Variants in POPDC2 observed in about 807,000 individuals in gnomAD.
POPDC2 encodes the protein popeye domain cAMP effector 2.
In POPDC2, 24 loss-of-function variants were observed where a neutral mutation model predicts 30.5. The observed-to-expected ratio is 0.79, with a 90% confidence interval of 0.57 to 1.11. POPDC2 has a LOEUF of 1.11. POPDC2 is among the 50% of genes least tolerant of loss of function. The pLI, the probability that POPDC2 is intolerant of heterozygous loss-of-function variation, is 0.00. For synonymous variants in POPDC2, 185 were observed against 183.3 expected (o/e 1.01, Z -0.07); for missense variants, 409 against 447.0 (o/e 0.91, Z 0.77).
rs2052767398 is a variant in POPDC2, at chr3:119,648,298, G to A, written c.971C>T (p.Thr324Ile). Reference protein sequence around the residue: ...PATTNFPAPPTRARLSRPDSG... With the variant: ...PATTNFPAPPIRARLSRPDSG... The stretch of plus-strand genomic sequence containing the variant: ...GTCTGGCCTGGACAACCTGGCCCGG[G>A]TAGGAGGTGCAGGAAAGTTGGTGGT... The change falls in exon 3 of 4, where the codon ACC (threonine) becomes ATC (isoleucine). Residue 324 changes from threonine to isoleucine, a missense_variant. By Grantham distance (89) the Thr-to-Ile change is moderately conservative (BLOSUM62 -1). Transcript: ENST00000493094. The A allele has an allele frequency of 1.2e-6, 2 of 1,614,132 alleles. No individual in the cohort carries two copies. The highest frequency in any genetic ancestry group is 1.7e-6 in the Non-Finnish European group (2 of 1,180,016).
chr3:119,648,527 G>C lies in POPDC2; in HGVS notation c.742C>G (p.Leu248Val). The C allele has an allele frequency of 1.2e-6, 2 of 1,614,160 alleles. No individual in the cohort carries two copies. Among genetic ancestry groups the C allele is most frequent in the Non-Finnish European group, 1.7e-6 (2 of 1,180,012 alleles). The change falls in exon 3 of 4, where the codon CTC (leucine) becomes GTC (valine). Residue 248 changes from leucine to valine, a missense_variant. By Grantham distance (32) the Leu-to-Val change is conservative. Transcript: ENST00000493094. ...AACTTAGCAAAGAGCTTGTCATTGA[G>C]AGTGTAGAGCTTCTCTGAGATGTCA... ...GYDISEKLYT[L>V]NDKLFAKFGL...
intron 2 of POPDC2, among the ~76,000 whole-genome samples, chr3:119,649,756 G>T (rs182849679): frequency 6.6e-6 from 1 of 152,226 alleles, no homozygotes; most frequent in East Asian, 1.9e-4. Flanking sequence ...CTTTATTAGA[G>T]ATTATATATA....
intron 2 of POPDC2, among the ~76,000 whole-genome samples, chr3:119,650,179 T>C (rs573588360): frequency 6.6e-6 from 1 of 152,340 alleles, no homozygotes; most frequent in South Asian, 2.1e-4. Context: ...CTACGCCGAA[T>C]GTAAATAATG....
At chr3:119,652,788 G>A (rs987719769) in intron 2 of POPDC2, among the ~76,000 whole-genome samples, 2 of 152,218 alleles carry the variant, frequency 1.3e-5, no homozygotes, top group African/African-American at 2.4e-5. Flanking sequence ...TCTGTGGCTG[G>A]TGACCCTGGC....
At chr3:119,660,803 A>C (rs2052936007), upstream of POPDC2, 1 of 185,776 alleles carries the variant, frequency 5.4e-6, no homozygotes, top group Non-Finnish European at 1.1e-5. Flanking sequence ...TCCCAAGGGA[A>C]AGTAGCACTA....
At chr3:119,659,498 G>A (rs1202062875) in intron 1 of POPDC2, among the ~76,000 whole-genome samples, 3 of 152,214 alleles carry the variant, frequency 2.0e-5, no homozygotes, top group African/African-American at 7.2e-5. Context: ...CCTGAATACA[G>A]TTGGTGCTTA....
chr3:119,645,566 C>CAAAAAA (rs201320482), intron 3 of POPDC2, among the ~76,000 whole-genome samples: 64 of 114,660 alleles, frequency 5.6e-4, no homozygotes, highest in East Asian at 1.7e-3. Flanking sequence ...CCGTCTCAAA[C>CAAAAAA]AAAAAAAAAA....
In POPDC2 at chr3:119,658,532, G is replaced by A. The variant is rs142784722; in HGVS notation, c.491+1401C>T. On this transcript the variant is annotated intron_variant, in intron 1 of 3. Transcript: ENST00000493094. ...TCTCAATTTCCTCCTTTGAACAGACGAGCTATAACATCATGGGTCTCATGA... is the reference window on the plus strand; with the variant it reads ...TCTCAATTTCCTCCTTTGAACAGACAAGCTATAACATCATGGGTCTCATGA... Among the ~76,000 whole-genome samples the A allele has an allele frequency of 3.8e-3, 585 of 152,304 alleles. 2 individuals carry two copies. Among genetic ancestry groups the A allele is most frequent in the African/African-American group, 0.013 (537 of 41,558 alleles).
At chr3:119,642,688 C>A in intron 3 of POPDC2, 127 bp from the exon 4 acceptor site, 1 of 614,426 alleles carries the variant, frequency 1.6e-6, no homozygotes, top group East Asian at 2.9e-5. Context: ...TACTCACTGC[C>A]TGACATGATA....
In POPDC2 at chr3:119,648,122, G is replaced by T; in HGVS notation, c.*40C>A. The T allele has an allele frequency of 6.8e-7, 1 of 1,459,856 alleles. No homozygotes were observed. The highest frequency in any genetic ancestry group is 1.4e-5 in the South Asian group (1 of 71,322). 90.4% of individuals were successfully genotyped at this position (1,459,856 alleles called of 1,614,324 possible). A position where few individuals can be genotyped will look rare whatever the true frequency, so the allele number is the denominator to read the frequency against. ...CGGCTGCCTTCTGAGTACTTACATAGGATCCTGAGCCGGTGGCTGTGCCCA... is the reference window on the plus strand; with the variant it reads ...CGGCTGCCTTCTGAGTACTTACATATGATCCTGAGCCGGTGGCTGTGCCCA... On this transcript the variant is annotated 3_prime_UTR_variant, in exon 3 of 4. Coordinates refer to ENST00000493094, the MANE Select transcript of POPDC2 (RefSeq NM_001369919.2).
At chr3:119,651,537 T>C (rs973301594) in intron 2 of POPDC2, among the ~76,000 whole-genome samples, 2 of 152,178 alleles carry the variant, frequency 1.3e-5, no homozygotes, top group African/African-American at 4.8e-5. Flanking sequence ...GCCTGGTATA[T>C]ACTAAGTTTT....
intron 2 of POPDC2, among the ~76,000 whole-genome samples, chr3:119,649,261 A>C (rs2052784240): frequency 6.6e-6 from 1 of 152,170 alleles, no homozygotes. Flanking sequence ...AGTAACCAAA[A>C]GGATCTGATG....
chr3:119,658,143 C>T (rs2052899692), intron 1 of POPDC2, among the ~76,000 whole-genome samples: 2 of 152,210 alleles, frequency 1.3e-5, no homozygotes, highest in African/African-American at 4.8e-5. Flanking sequence ...TGGTCCCTTA[C>T]TGTAACCAGC....
chr3:119,653,407 G>A lies in POPDC2; in HGVS notation c.600+1098C>T, dbSNP rs2052838843. ...GCCAGGCAGCCAGGAACCTGCATTG[G>A]AGCATGTATGTGAATGCCCCATGGA... On this transcript the variant is annotated intron_variant, in intron 2 of 3. Transcript: ENST00000493094. Among the ~76,000 whole-genome samples, 3 of 152,034 alleles carry A rather than the reference G, an allele frequency of 2.0e-5. No homozygotes were observed. The South Asian group carries it at 6.2e-4, about 32-fold the overall frequency.
At chr3:119,658,916 C>CT (rs35687726) in intron 1 of POPDC2, among the ~76,000 whole-genome samples, 57 of 139,664 alleles carry the variant, frequency 4.1e-4, no homozygotes, top group African/African-American at 1.1e-3. Flanking sequence ...TCTGGATTTG[C>CT]TTTTTTTTTT....
At chr3:119,645,298 C>A (rs879695470) in intron 3 of POPDC2, among the ~76,000 whole-genome samples, 1 of 152,206 alleles carries the variant, frequency 6.6e-6, no homozygotes, top group African/African-American at 2.4e-5. Context: ...CGCAGTGGCT[C>A]ACGCCCGTAA....
chr3:119,649,223 C>T (rs1242556749), intron 2 of POPDC2, among the ~76,000 whole-genome samples: 3 of 152,026 alleles, frequency 2.0e-5, no homozygotes, highest in Non-Finnish European at 2.9e-5. Context: ...GAGCAAGTTA[C>T]GAAATTGCTC....
In POPDC2 at chr3:119,648,263, G is replaced by C; in HGVS notation, c.1006C>G (p.Leu336Val). The change falls in exon 3 of 4, where the codon CTG becomes GTG. Residue 336 changes from leucine (L) to valine (V), a missense_variant. By Grantham distance (32) the Leu-to-Val change is conservative. Transcript: ENST00000493094. ...ACCAGACTGGTGGAGTCCTCACCCA[G>C]TATGCCACTGTCTGGCCTGGACAAC... ...ARLSRPDSGILGEDSTSLVLE... is the reference protein window; with the variant it reads ...ARLSRPDSGIVGEDSTSLVLE... The C allele has an allele frequency of 6.2e-7, 1 of 1,613,626 alleles. No homozygotes were observed. The highest frequency in any genetic ancestry group is 8.5e-7 in the Non-Finnish European group (1 of 1,179,824).
chr3:119,659,980 C>T lies in POPDC2; in HGVS notation c.444G>A (p.Val148=). ...LTLATEQTYA[V]EGETPINRLS... is the part of the protein sequence containing the mutation. ...GGCGGTTGATGGGTGTCTCACCCTC[C>T]ACAGCATAGGTCTGTTCAGTGGCCA... The change falls in exon 1 of 4, where the codon GTG becomes GTA. Residue 148 remains valine, a synonymous_variant. Transcript: ENST00000493094. The T allele has an allele frequency of 1.2e-6, 2 of 1,608,704 alleles. No homozygotes were observed. The highest frequency in any genetic ancestry group is 1.7e-6 in the Non-Finnish European group (2 of 1,175,608).
Sources: gnomAD v4.1 joint callset for allele counts (sites outside exome capture counted in the v4.1 genomes callset) on GRCh38, gnomAD v4.1.1 for gene constraint, MANE v1.5 for transcripts, NCBI Gene and HGNC (gene_info 2026-07-23, HGNC 2026-07-21) for gene names.